R3HDM1: variants seen among roughly 807,000 people sequenced by gnomAD.
R3HDM1 encodes R3H domain-containing protein 1.
R3HDM1 carries 46 observed loss-of-function variants against 141.1 expected under a neutral mutation model. That is an observed-to-expected ratio of 0.33 (90% confidence interval 0.26 to 0.42). R3HDM1 has a LOEUF of 0.42. R3HDM1 is among the 10% of genes least tolerant of loss of function. R3HDM1 has a pLI of 1.00. For missense variants in R3HDM1, 1,184 were observed against 1,368.3 expected (o/e 0.87, Z 2.12); for synonymous variants, 435 against 472.9 (o/e 0.92, Z 1.04).
At chr2:135,635,789 A>G in intron 9 of R3HDM1, 101 bp from the exon 10 acceptor site, 1 of 1,414,536 alleles carries the variant, frequency 7.1e-7, no homozygotes, top group South Asian at 1.5e-5. Context: ...AAAAAGTGGT[A>G]ACTTATTTTA....
At chr2:135,609,686 T>G (rs377408199) in intron 3 of R3HDM1, among the ~76,000 whole-genome samples, 5 of 152,180 alleles carry the variant, frequency 3.3e-5, no homozygotes, top group Admixed American at 3.3e-4. Context: ...TTCCTGTGTA[T>G]AACTCACCGA....
At position 135,562,306 on chromosome 2, in the gene R3HDM1, A is replaced by G. The variant is rs75946971; in HGVS notation, c.-250+30673A>G. ...CCATCATCCCCAAAGCTTCTATAGG[A>G]TATTTGGTCAAGAACTTTTCTGAAA... On this transcript the variant is annotated intron_variant, in intron 1 of 26. Coordinates refer to ENST00000683871, the MANE Select transcript of R3HDM1 (RefSeq NM_001378107.1). Among the ~76,000 whole-genome samples, 703 of 152,306 alleles carry G rather than the reference A, an allele frequency of 4.6e-3. 4 individuals carry two copies. The highest frequency in any genetic ancestry group is 0.016 in the African/African-American group (657 of 41,558).
intron 22 of R3HDM1, 65 bp from the exon 23 acceptor site, chr2:135,709,994 T>C: frequency 1.4e-6 from 2 of 1,462,108 alleles, no homozygotes; most frequent in East Asian, 4.6e-5. Flanking sequence ...GTTATCCTAG[T>C]GTTCAGAAAC....
At chr2:135,560,826 G>C (rs766139789) in intron 1 of R3HDM1, among the ~76,000 whole-genome samples, 2 of 152,240 alleles carry the variant, frequency 1.3e-5, no homozygotes, top group South Asian at 2.1e-4. Context: ...AGAGACTGTC[G>C]TGGAGGCTGT....
chr2:135,626,692 C>T (rs977553411), intron 7 of R3HDM1, among the ~76,000 whole-genome samples: 3 of 152,068 alleles, frequency 2.0e-5, no homozygotes, highest in South Asian at 2.1e-4. Context: ...TTTAACTGTA[C>T]GGTTTAATGG....
intron 23 of R3HDM1, among the ~76,000 whole-genome samples, chr2:135,712,151 T>G (rs944741810): frequency 6.6e-6 from 1 of 152,152 alleles, no homozygotes; most frequent in African/African-American, 2.4e-5. Flanking sequence ...TATACTTTTA[T>G]ATACTTGAAA....
At chr2:135,652,580 A>T in intron 18 of R3HDM1, among the ~76,000 whole-genome samples, 1 of 152,172 alleles carries the variant, frequency 6.6e-6, no homozygotes, top group East Asian at 1.9e-4. Flanking sequence ...TTTTGCATCT[A>T]TGTTCATGAA....
intron 1 of R3HDM1, among the ~76,000 whole-genome samples, chr2:135,579,595 C>CGGGGGGAGGGGGGGGGGGGGGGG (rs1706289163): frequency 1.2e-5 from 1 of 86,856 alleles, no homozygotes; most frequent in African/African-American, 5.8e-5. Flanking sequence ...TATGGGGTGG[C>CGGGGGGAGGGGGGGGGGGGGGGG]GGGGGGGGGT....
At chr2:135,597,875 G>C (rs1246639417) in intron 1 of R3HDM1, among the ~76,000 whole-genome samples, 2 of 152,050 alleles carry the variant, frequency 1.3e-5, no homozygotes, top group African/African-American at 4.8e-5. Context: ...GACTTTTGTT[G>C]TGTGAAATTT....
At chr2:135,636,580 T>G (rs2063275092) in intron 11 of R3HDM1, among the ~76,000 whole-genome samples, 1 of 152,196 alleles carries the variant, frequency 6.6e-6, no homozygotes, top group African/African-American at 2.4e-5. Context: ...ACAAATAATT[T>G]ATTTCTTCTT....
chr2:135,703,962 A>G (rs1476295819), intron 21 of R3HDM1, among the ~76,000 whole-genome samples: 3 of 152,142 alleles, frequency 2.0e-5, no homozygotes, highest in Admixed American at 6.5e-5. Context: ...CTGACCTGCA[A>G]ATGAATTGGT....
chr2:135,569,718 C>CTTTTTTTTTTTTTT (rs139858819), intron 1 of R3HDM1, among the ~76,000 whole-genome samples: 5 of 129,336 alleles, frequency 3.9e-5, no homozygotes, highest in South Asian at 2.5e-4. Flanking sequence ...ATAGTAAGCT[C>CTTTTTTTTTTTTTT]TTTTTTTTTT....
At chr2:135,553,597 GT>G (rs1373732334) in intron 1 of R3HDM1, among the ~76,000 whole-genome samples, 1 of 152,216 alleles carries the variant, frequency 6.6e-6, no homozygotes, top group East Asian at 1.9e-4. Context: ...GTTTTTACAA[GT>G]TTGTATATAA....
At chr2:135,649,542 G>C (rs1406503957) in intron 16 of R3HDM1, among the ~76,000 whole-genome samples, 1 of 152,082 alleles carries the variant, frequency 6.6e-6, no homozygotes, top group African/African-American at 2.4e-5. Flanking sequence ...CATAAAACCA[G>C]GAAATAATGA....
intron 18 of R3HDM1, among the ~76,000 whole-genome samples, chr2:135,659,855 A>G (rs1431945477): frequency 6.6e-6 from 1 of 152,254 alleles, no homozygotes; most frequent in East Asian, 1.9e-4. Context: ...CTTTTAAACA[A>G]CTGCTAGCAC....
chr2:135,587,995 T>G (rs1708325501), intron 1 of R3HDM1, among the ~76,000 whole-genome samples: 1 of 152,068 alleles, frequency 6.6e-6, no homozygotes, highest in Non-Finnish European at 1.5e-5. Flanking sequence ...CTACCTGGTG[T>G]TTCAGGGTGT....
chr2:135,576,653 A>G (rs897889133), intron 1 of R3HDM1, among the ~76,000 whole-genome samples: 1 of 152,252 alleles, frequency 6.6e-6, no homozygotes, highest in Non-Finnish European at 1.5e-5. Context: ...TGTCCATACA[A>G]TGAAACATAT....
intron 1 of R3HDM1, among the ~76,000 whole-genome samples, chr2:135,592,215 T>C (rs527562830): frequency 1.1e-4 from 17 of 152,292 alleles, no homozygotes; most frequent in African/African-American, 3.4e-4. Flanking sequence ...TAGCATACAT[T>C]ATCAGGACCC....
intron 19 of R3HDM1, among the ~76,000 whole-genome samples, chr2:135,666,165 A>G (rs573318502): frequency 7.9e-5 from 12 of 152,310 alleles, no homozygotes; most frequent in Admixed American, 3.3e-4. Flanking sequence ...ACAGTCTTCA[A>G]TGTGTGCATA....
Sources: gnomAD v4.1 joint callset for allele counts (sites outside exome capture counted in the v4.1 genomes callset) on GRCh38, gnomAD v4.1.1 for gene constraint, MANE v1.5 for transcripts, NCBI Gene and HGNC (gene_info 2026-07-23, HGNC 2026-07-21) for gene names.